Variants in NFATC1 observed in about 807,000 individuals in gnomAD.
NFATC1 encodes the protein nuclear factor of activated T-cells, cytoplasmic 1.
Under a neutral mutation model 76.0 loss-of-function variants are expected in NFATC1, and 22 were observed. That is an observed-to-expected ratio of 0.29 (90% CI 0.21 to 0.41). The LOEUF is 0.41. Among genes scored for constraint, NFATC1 ranks in the 10% least tolerant of loss-of-function variants. NFATC1 has a pLI of 1.00. For synonymous variants in NFATC1, 704 were observed against 613.1 expected (o/e 1.15, Z -2.19); for missense variants, 1,357 against 1,337.7 (o/e 1.01, Z -0.23).
chr18:79,486,681 C>G lies in NFATC1; in HGVS notation c.2526C>G (p.Leu842=), dbSNP rs758410473. The G allele has an allele frequency of 2.5e-6, 4 of 1,602,176 alleles. No individual in the cohort carries two copies. In the South Asian group the frequency reaches 3.3e-5, roughly 13 times the overall value. Residue 842 remains leucine (L), a synonymous_variant, in exon 9 of 10, where the codon CTC becomes CTG. Transcript: ENST00000427363. ...SSCPPGLEHS[L]CPSSPSPPLP... The stretch of plus-strand genomic sequence containing the variant: ...GCCCCCCTGGTCTCGAACACTCGCT[C>G]TGCCCCAGCAGCCCCTCTCCTCCAC...
Position 79,396,383 on chromosome 18 carries a change from C to T in NFATC1, c.127+32C>T, listed in dbSNP as rs1418819248. 9.9e-6 allele frequency: 12 copies of T among 1,211,314 alleles called. No individual in the cohort carries two copies. In the African/African-American group the frequency reaches 1.3e-4, roughly 13 times the overall value. 75.0% of individuals were successfully genotyped at this position (1,211,314 alleles called of 1,614,324 possible). A position where few individuals can be genotyped will look rare whatever the true frequency, so the allele number is the denominator to read the frequency against. ...CCCGCGCGGCCTCCGCCCCCGGACC[C>T]CTGCGCCCCCCACGGCCCGGGCCGC... On this transcript the variant is annotated intron_variant, in intron 1 of 9. Coordinates refer to ENST00000427363, the MANE Select transcript of NFATC1 (RefSeq NM_001278669.2).
rs543463932 is a variant in NFATC1, at chr18:79,473,824, C to A, written c.2092+6242C>A. 4.0e-3 allele frequency among the ~76,000 whole-genome samples: 566 copies of A among 140,184 alleles called. 2 individuals are homozygous for A. Among genetic ancestry groups the A allele is most frequent in the African/African-American group, 0.014 (518 of 36,592 alleles). 92.0% of individuals were successfully genotyped at this position (140,184 alleles called of 152,430 possible). ...TTCTCACGCTCACTGTTGACGTAAA[C>A]CTGAGGGAAGTGTGTTCTCACACTC... On this transcript the variant is annotated intron_variant, in intron 8 of 9. Transcript: ENST00000427363.
intron 1 of NFATC1, among the ~76,000 whole-genome samples, chr18:79,401,474 T>C (rs2085253988): frequency 2.0e-5 from 3 of 152,222 alleles, no homozygotes; most frequent in Admixed American, 2.0e-4. Context: ...GCCTGGGTTC[T>C]AGGTCTTTGG....
Position 79,484,880 on chromosome 18 carries a change from G to A in NFATC1, c.2093-1368G>A, listed in dbSNP as rs558952385. On this transcript the variant is annotated intron_variant, in intron 8 of 9. Transcript: ENST00000427363. ...GAAGAGGGCGGCTGCAGGGGAGGCC[G>A]CACGTGGCACAGGTGCTCCGGCGTC... Among the ~76,000 whole-genome samples, 9 of 152,330 alleles carry A rather than the reference G, an allele frequency of 5.9e-5. No homozygotes were observed. The East Asian group carries it at 9.6e-4, about 16-fold the overall frequency.
At chr18:79,518,807 G>A (rs3786221) in intron 9 of NFATC1, among the ~76,000 whole-genome samples, 16,205 of 152,280 alleles carry the variant, frequency 0.11, 1,002 homozygotes, top group Admixed American at 0.16. Flanking sequence ...CCTGGCACCC[G>A]GTGTCCCTCA....
rs1167264616 is a variant in NFATC1 at position 79,524,613 on chromosome 18, G to A, written c.2783-2915G>A. Among the ~76,000 whole-genome samples, 3 of 152,146 alleles carry A rather than the reference G, an allele frequency of 2.0e-5. No homozygotes were observed. The highest frequency in any genetic ancestry group is 2.1e-4 in the South Asian group (1 of 4,838). ...CCGCAGGAGTGAGGTGCAGGCTGCC[G>A]CTGGCTCCTTAGGCCTCGACAGCTC... On this transcript the variant is annotated intron_variant, in intron 9 of 9. Coordinates refer to ENST00000427363, the MANE Select transcript of NFATC1 (RefSeq NM_001278669.2). The surrounding 1 kb of genome is among the most constrained non-coding windows in gnomAD (Gnocchi z 7.2).
intron 6 of NFATC1, among the ~76,000 whole-genome samples, 190 bp from the exon 7 acceptor site, chr18:79,461,121 C>G (rs1009330109): frequency 3.9e-5 from 6 of 152,214 alleles, no homozygotes; most frequent in Admixed American, 3.9e-4. Flanking sequence ...GTGTCGAGCT[C>G]GGGGCCCTGC....
chr18:79,428,372 A>G lies in NFATC1; in HGVS notation c.1227-5207A>G, dbSNP rs199897518. Among the ~76,000 whole-genome samples the G allele has an allele frequency of 1.7e-4, 26 of 152,330 alleles. 1 individual carries two copies. The East Asian group carries it at 4.4e-3, about 26-fold the overall frequency. ...CAGCAGGCCAGAAAACTGCCTTGAT[A>G]TATCACATTGGCAAAGACCAAGCGC... On this transcript the variant is annotated intron_variant, in intron 2 of 9. Transcript: ENST00000427363.
intron 9 of NFATC1, among the ~76,000 whole-genome samples, chr18:79,488,847 C>A (rs73009671): frequency 6.6e-6 from 1 of 152,134 alleles, no homozygotes; most frequent in Non-Finnish European, 1.5e-5. Context: ...TGGGCTCCCA[C>A]AATTGGGTAG....
At chr18:79,481,327 C>A (rs528830253) in intron 8 of NFATC1, among the ~76,000 whole-genome samples, 2 of 152,366 alleles carry the variant, frequency 1.3e-5, no homozygotes, top group South Asian at 4.1e-4. Flanking sequence ...TCTGTAGTCT[C>A]CAGACAGCGG....
chr18:79,425,654 C>T (rs1470682653), intron 2 of NFATC1, among the ~76,000 whole-genome samples: 3 of 151,150 alleles, frequency 2.0e-5, no homozygotes, highest in Non-Finnish European at 3.0e-5. Flanking sequence ...GGATTCTCAT[C>T]GTTCACCGGC....
chr18:79,484,998 C>T (rs578012625), intron 8 of NFATC1, among the ~76,000 whole-genome samples: 4 of 152,364 alleles, frequency 2.6e-5, no homozygotes, highest in African/African-American at 4.8e-5. Flanking sequence ...CATGGACTCA[C>T]GGGCTCAAGC....
chr18:79,503,623 G>A (rs2090059102), intron 9 of NFATC1, among the ~76,000 whole-genome samples: 1 of 152,152 alleles, frequency 6.6e-6, no homozygotes, highest in Admixed American at 6.5e-5. Context: ...TTTTCGGGGT[G>A]GCAGATGGAC....
intron 2 of NFATC1, among the ~76,000 whole-genome samples, chr18:79,427,442 G>T (rs1250230050): frequency 6.0e-5 from 7 of 116,890 alleles, no homozygotes; most frequent in South Asian, 2.9e-4. Context: ...GGGGGAGCTG[G>T]ACGGCTGGCC....
At chr18:79,457,532 T>C (rs1164566157) in intron 6 of NFATC1, among the ~76,000 whole-genome samples, 2 of 152,236 alleles carry the variant, frequency 1.3e-5, no homozygotes, top group Admixed American at 1.3e-4. Flanking sequence ...CATGGTCATG[T>C]TGGCTAGTTT....
chr18:79,444,221 G>A (rs1051614143), intron 3 of NFATC1, among the ~76,000 whole-genome samples: 3 of 152,080 alleles, frequency 2.0e-5, no homozygotes, highest in South Asian at 2.1e-4. Flanking sequence ...GTGTGTGCAC[G>A]CTCTGGGGGG....
chr18:79,489,649 G>A (rs1365719921), intron 9 of NFATC1, among the ~76,000 whole-genome samples: 1 of 152,204 alleles, frequency 6.6e-6, no homozygotes, highest in African/African-American at 2.4e-5. Context: ...GTCACGTCCT[G>A]TTCAAAAGAC....
At chr18:79,502,453 C>T (rs2090034155) in intron 9 of NFATC1, among the ~76,000 whole-genome samples, 1 of 152,094 alleles carries the variant, frequency 6.6e-6, no homozygotes, top group East Asian at 1.9e-4. Context: ...AAGCACAGCT[C>T]ATAAAATAAA....
intron 2 of NFATC1, among the ~76,000 whole-genome samples, chr18:79,413,453 A>C (rs956361253): frequency 2.2e-4 from 33 of 152,080 alleles, no homozygotes; most frequent in African/African-American, 7.5e-4. Context: ...TCTTCTCCCC[A>C]TGACTCCTCA....
Sources: gnomAD v4.1 joint callset for allele counts (sites outside exome capture counted in the v4.1 genomes callset) on GRCh38, gnomAD v4.1.1 for gene constraint, Gnocchi (gnomAD v3.1) non-coding constraint, MANE v1.5 for transcripts, NCBI Gene and HGNC (gene_info 2026-07-23, HGNC 2026-07-21) for gene names.